The following OFD1 variants were observed in gnomAD, a reference collection of about 807,000 sequenced individuals.
OFD1 encodes the protein OFD1 centriole and centriolar satellite protein.
Under a neutral mutation model 81.4 loss-of-function variants are expected in OFD1, and 12 were observed. The observed-to-expected ratio is 0.15, with a 90% confidence interval of 0.09 to 0.24. The LOEUF (loss-of-function observed/expected upper bound fraction) is 0.24. OFD1 is among the 10% of genes least tolerant of loss of function. OFD1 has a pLI of 1.00. For missense variants in OFD1, 685 were observed against 733.9 expected, an observed-to-expected ratio of 0.93 and a Z score of 0.77; for synonymous variants, 256 against 263.7, an observed-to-expected ratio of 0.97 and a Z score of 0.28.
chrX:13,720,139 G>A, the OFD1 span: 7 of 325,120 alleles, frequency 2.2e-5, no homozygotes, highest in African/African-American at 1.1e-4. Flanking sequence ...GCGAAGATAC[G>A]TAGCTTCTGG....
At chrX:13,728,216 C>T in the OFD1 span, among the ~76,000 whole-genome samples, 3 of 111,961 alleles carry the variant, frequency 2.7e-5, no homozygotes, top group East Asian at 5.5e-4. Context: ...TTCCAATCAA[C>T]AGAAAAAGAG....
At chrX:13,716,726 C>A in the OFD1 span, 1 of 1,176,662 alleles carries the variant, frequency 8.5e-7, no homozygotes, top group Non-Finnish European at 1.2e-6. Flanking sequence ...CATATGGCAT[C>A]GAGAATGCTG....
At chrX:13,736,803 C>G in intron 3 of OFD1, 125 bp downstream of exon 3, 2 of 504,498 alleles carry the variant, frequency 4.0e-6, no homozygotes, top group Non-Finnish European at 7.0e-6. Flanking sequence ...TCTTTGAATT[C>G]ACATTGTACC....
At chrX:13,742,105 C>T (rs926373012) in intron 5 of OFD1, among the ~76,000 whole-genome samples, 3 of 112,150 alleles carry the variant, frequency 2.7e-5, no homozygotes, top group Non-Finnish European at 5.6e-5. Context: ...AAATTCTTAT[C>T]TGCAATTGGC....
At chrX:13,726,855 GA>G in the OFD1 span, among the ~76,000 whole-genome samples, 1 of 111,824 alleles carries the variant, frequency 8.9e-6, no homozygotes, top group Non-Finnish European at 1.9e-5. Context: ...CTGTATTCAG[GA>G]AACCCATCTG....
At chrX:13,755,018 T>G in intron 11 of OFD1, 133 bp from the exon 12 acceptor site, 1 of 517,389 alleles carries the variant, frequency 1.9e-6, no homozygotes, top group Non-Finnish European at 3.4e-6. Context: ...TATTTCTTAC[T>G]TGCCCGCTAC....
Position 13,756,737 on chromosome X carries a change from A to T in OFD1, c.1381A>T (p.Ser461Cys). Residue 461 changes from serine to cysteine, a missense_variant, in exon 13 of 23, where the codon AGT becomes TGT. Around this residue, in one of 3 missense-constraint regions of OFD1, gnomAD observed 414 missense variants for 447.2 expected, o/e 0.93. Transcript: ENST00000340096. ...NKLLKQQLEE[S>C]RNENLRLLNR... is the part of the protein sequence containing the mutation. ...ATTACTTAAACAACAACTGGAAGAG[A>T]GTAGAAATGAAAACCTGCGTCTCCT... is the stretch of plus-strand genomic sequence containing the variant. The T allele has an allele frequency of 1.7e-6, 2 of 1,209,461 alleles. No homozygotes were observed. The highest frequency in any genetic ancestry group is 2.2e-6 in the Non-Finnish European group (2 of 893,298).
chrX:13,718,407 G>C, the OFD1 span, among the ~76,000 whole-genome samples: 1 of 113,010 alleles, frequency 8.8e-6, no homozygotes, highest in Non-Finnish European at 1.9e-5. Context: ...TGAAGAATTA[G>C]GAGCAAACTG....
At chrX:13,735,110 G>A (rs748458406) in intron 1 of OFD1, 27 bp downstream of exon 1, 2 of 1,206,348 alleles carry the variant, frequency 1.7e-6, no homozygotes, top group Non-Finnish European at 2.2e-6. Flanking sequence ...CTTCTCGGGC[G>A]GAAATAAAGT....
rs190890397 is a variant in OFD1, at chrX:13,768,483, G to T, written c.2929-235G>T. Among the ~76,000 whole-genome samples the T allele has an allele frequency of 4.5e-5, 5 of 111,904 alleles. No individual in the cohort carries two copies. The East Asian group carries it at 1.4e-3, about 31-fold the overall frequency. The stretch of plus-strand genomic sequence containing the variant: ...TGGGGTGGCTCATTAAGAAAGAAAA[G>T]ATCTATCAAATGCATTAATACTGAC... On this transcript the variant is annotated intron_variant, in intron 21 of 22. Coordinates refer to ENST00000340096, the MANE Select transcript of OFD1 (RefSeq NM_003611.3).
Position 13,746,597 on chromosome X carries a change from C to T in OFD1, c.654+142C>T, listed in dbSNP as rs1166275634. The T allele has an allele frequency of 5.0e-6, 4 of 793,358 alleles. No individual in the cohort carries two copies. In the Admixed American group the frequency reaches 1.3e-4, roughly 26 times the overall value. 65.4% of individuals were successfully genotyped at this position (793,358 alleles called of 1,213,427 possible). Reference sequence around the variant, plus strand: ...CTGTTGTGCAAATTTTTTTTTATTTCTGGTGACATTTGTTTATGCCTTTTG... The same window carrying T: ...CTGTTGTGCAAATTTTTTTTTATTTTTGGTGACATTTGTTTATGCCTTTTG... On this transcript the variant is annotated intron_variant, in intron 7 of 22. Coordinates refer to ENST00000340096, the MANE Select transcript of OFD1 (RefSeq NM_003611.3).
chrX:13,763,952 T>C (rs1032625713), intron 19 of OFD1, 97 bp downstream of exon 19: 4 of 672,329 alleles, frequency 5.9e-6, no homozygotes, highest in Non-Finnish European at 9.6e-6. Flanking sequence ...GAAGTCATCT[T>C]GTAGGTGTAA....
chrX:13,730,615 C>G (rs748702052), upstream of OFD1, among the ~76,000 whole-genome samples: 2 of 111,569 alleles, frequency 1.8e-5, no homozygotes, highest in Non-Finnish European at 3.8e-5. Context: ...GACACAAGCA[C>G]ACGTATGTTT....
intron 5 of OFD1, among the ~76,000 whole-genome samples, chrX:13,741,635 A>G (rs550772785): frequency 1.8e-5 from 2 of 112,210 alleles, no homozygotes; most frequent in South Asian, 7.4e-4. Flanking sequence ...CTGTTTATTC[A>G]CTTGGGTGCA....
intron 19 of OFD1, among the ~76,000 whole-genome samples, chrX:13,764,193 TC>T (rs1231628760): frequency 8.9e-6 from 1 of 112,307 alleles, no homozygotes; most frequent in Non-Finnish European, 1.9e-5. Flanking sequence ...CAAAAACTGT[TC>T]CTTGGGAACC....
intron 5 of OFD1, chrX:13,739,788 C>T (rs1165908350): frequency 5.8e-5 from 43 of 746,407 alleles, no homozygotes; most frequent in Non-Finnish European, 6.8e-5. Context: ...AATAAATTGC[C>T]TTAATTTTGG....
In OFD1 at chrX:13,767,258, G is replaced by A; in HGVS notation, c.2731G>A (p.Glu911Lys). ...LQEVLERERR[E>K]LEKLYQERKM... The stretch of plus-strand genomic sequence containing the variant: ...AGAAGTTTTAGAAAGGGAACGAAGA[G>A]AACTAGAAAAACTGTATCAGGAAAG... The change falls in exon 20 of 23, where the codon GAA becomes AAA. Residue 911 changes from glutamate (E) to lysine (K), a missense_variant. Physicochemically the swap from Glu to Lys is moderately conservative, Grantham distance 56 (BLOSUM62 1). Transcript: ENST00000340096. 1 of 1,211,553 alleles carries A rather than the reference G, an allele frequency of 8.3e-7. No homozygotes were observed.
intron 3 of OFD1, chrX:13,738,610 G>T: frequency 3.0e-6 from 1 of 328,605 alleles, no homozygotes; most frequent in Non-Finnish European, 5.3e-6. Context: ...TCTTTGATGT[G>T]AAGTACTTAG....
intron 6 of OFD1, among the ~76,000 whole-genome samples, chrX:13,745,460 C>T (rs1189174449): frequency 8.9e-6 from 1 of 112,173 alleles, no homozygotes; most frequent in Non-Finnish European, 1.9e-5. Flanking sequence ...GTGTTTTTTA[C>T]ATTTAAAGCA....
Sources: allele counts gnomAD v4.1 joint callset (sites outside exome capture counted in the v4.1 genomes callset), GRCh38; gene constraint gnomAD v4.1.1; regional missense constraint gnomAD v4.1.1; transcripts MANE v1.5; gene names NCBI Gene and HGNC (gene_info 2026-07-23, HGNC 2026-07-21).